FRAS1: variants seen among roughly 807,000 people sequenced by gnomAD.
FRAS1 encodes Fraser extracellular matrix complex subunit 1, also known as extracellular matrix organizing protein FRAS1.
In FRAS1, 290 loss-of-function variants were observed where a neutral mutation model predicts 435.2. The observed-to-expected ratio is 0.67, with a 90% confidence interval of 0.61 to 0.73. FRAS1 has a LOEUF of 0.73. FRAS1 is among the 30% of genes least tolerant of loss of function. The pLI is 0.00. For missense variants in FRAS1, 4,860 were observed against 5,001.5 expected (o/e 0.97, Z 0.85); for synonymous variants, 1,800 against 1,851.0 (o/e 0.97, Z 0.71).
intron 2 of FRAS1, among the ~76,000 whole-genome samples, chr4:78,117,955 G>T (rs1446958518): frequency 5.3e-5 from 8 of 152,166 alleles, no homozygotes; most frequent in Admixed American, 4.6e-4. Context: ...CCCCATCTTT[G>T]TGGTTTTATC....
Position 78,432,418 on chromosome 4 carries a change from C to T in FRAS1, c.5031C>T (p.Ser1677=). The part of the protein sequence containing the change: ...KNALQYIHDG[S]STREDSMEIS... ...CTCTACAGTATATACATGATGGTTC[C>T]TCTACCCGGGAAGACAGCATGGAGA... is the stretch of plus-strand genomic sequence containing the variant. Residue 1677 remains serine, a synonymous_variant, in exon 38 of 74, where the codon TCC becomes TCT. Coordinates refer to ENST00000512123, the MANE Select transcript of FRAS1 (RefSeq NM_025074.7). 1.2e-6 allele frequency: 2 copies of T among 1,611,894 alleles called. No individual in the cohort carries two copies. The highest frequency in any genetic ancestry group is 1.7e-6 in the Non-Finnish European group (2 of 1,178,946).
intron 2 of FRAS1, among the ~76,000 whole-genome samples, chr4:78,210,605 G>T (rs1431820589): frequency 1.3e-5 from 2 of 152,140 alleles, no homozygotes; most frequent in Non-Finnish European, 2.9e-5. Flanking sequence ...ATATCTCAGG[G>T]ATACTTGCAT....
chr4:78,088,150 C>T (rs1741300323), intron 2 of FRAS1, among the ~76,000 whole-genome samples: 1 of 152,096 alleles, frequency 6.6e-6, no homozygotes, highest in African/African-American at 2.4e-5. Flanking sequence ...TGATCTTTGA[C>T]AAACCTGAGA....
rs1160111559 is a variant in FRAS1, at chr4:78,150,696, A to G, written c.108+84680A>G. The stretch of plus-strand genomic sequence containing the variant: ...GTTAATAGTATCCAGACTGGGGGAA[A>G]CTAGCTTGTAAAGACAGCAAGTCTT... On this transcript the variant is annotated intron_variant, in intron 2 of 73. Coordinates refer to ENST00000512123, the MANE Select transcript of FRAS1 (RefSeq NM_025074.7). Among the ~76,000 whole-genome samples the G allele has an allele frequency of 7.2e-5, 11 of 152,290 alleles. No individual in the cohort carries two copies. In the South Asian group the frequency reaches 1.5e-3, roughly 20 times the overall value.
intron 61 of FRAS1, among the ~76,000 whole-genome samples, chr4:78,502,757 T>A (rs1215820336): frequency 6.6e-6 from 1 of 152,184 alleles, no homozygotes; most frequent in African/African-American, 2.4e-5. Context: ...CTGTGTTGAA[T>A]AGGAGTGGTG....
chr4:78,536,858 C>A, intron 71 of FRAS1, 137 bp from the exon 72 acceptor site: 1 of 600,960 alleles, frequency 1.7e-6, no homozygotes, highest in Non-Finnish European at 2.9e-6. Flanking sequence ...ATTTTAGGGG[C>A]ACATGGAATC....
intron 60 of FRAS1, among the ~76,000 whole-genome samples, chr4:78,499,499 C>T (rs568479183): frequency 7.9e-5 from 12 of 152,186 alleles, no homozygotes; most frequent in Non-Finnish European, 1.5e-4. Context: ...TAATAAGGAA[C>T]ATGTGAGACA....
chr4:78,503,847 C>T (rs1720751284), intron 61 of FRAS1, among the ~76,000 whole-genome samples: 2 of 152,212 alleles, frequency 1.3e-5, no homozygotes, highest in South Asian at 4.1e-4. Context: ...CTCTTGTGAG[C>T]ATTTAATGCT....
chr4:78,364,053 G>C lies in FRAS1; in HGVS notation c.2721G>C (p.Gln907His). 1 of 1,579,042 alleles carries C rather than the reference G, an allele frequency of 6.3e-7. No individual in the cohort carries two copies. The highest frequency in any genetic ancestry group is 8.6e-7 in the Non-Finnish European group (1 of 1,161,584). The change falls in exon 22 of 74, where the codon CAG (glutamine) becomes CAC (histidine). Residue 907 changes from glutamine (Q) to histidine (H), a missense_variant and splice_region_variant. Coordinates refer to ENST00000512123, the MANE Select transcript of FRAS1 (RefSeq NM_025074.7). Reference protein sequence around the residue: ...GHYLDDNHVCQPCNTHCGSCD... With the variant: ...GHYLDDNHVCHPCNTHCGSCD... Reference sequence around the variant, plus strand: ...ATCTTGATGACAATCATGTTTGCCAGCGTAGGTTTTTCCAATGAACCTTCT... The same window carrying C: ...ATCTTGATGACAATCATGTTTGCCACCGTAGGTTTTTCCAATGAACCTTCT...
chr4:78,112,483 C>G (rs535398641), intron 2 of FRAS1, among the ~76,000 whole-genome samples: 1 of 152,066 alleles, frequency 6.6e-6, no homozygotes, highest in East Asian at 1.9e-4. Context: ...TTTGAGGTCC[C>G]TGGCTTGTGA....
intron 40 of FRAS1, among the ~76,000 whole-genome samples, chr4:78,440,025 T>C (rs953579202): frequency 7.0e-6 from 1 of 142,872 alleles, no homozygotes. Context: ...TTCTTTTTTT[T>C]TTTTTTTTTT....
intron 41 of FRAS1, chr4:78,444,124 G>A (rs1180122348): frequency 8.9e-6 from 4 of 451,088 alleles, no homozygotes; most frequent in Admixed American, 4.8e-5. Context: ...CAAAGTGTTG[G>A]GATTACAGGC....
At chr4:78,356,407 C>T (rs189457140) in intron 20 of FRAS1, among the ~76,000 whole-genome samples, 1 of 152,154 alleles carries the variant, frequency 6.6e-6, no homozygotes, top group East Asian at 1.9e-4. Context: ...TGGCCAAATT[C>T]CACTTTGTTT....
chr4:78,355,462 G>A (rs1005963153), intron 20 of FRAS1, among the ~76,000 whole-genome samples: 3 of 152,108 alleles, frequency 2.0e-5, no homozygotes, highest in African/African-American at 4.8e-5. Context: ...GAGTAGTAGC[G>A]GGAGGAATCT....
chr4:78,537,746 A>G (rs902161400), intron 72 of FRAS1, among the ~76,000 whole-genome samples: 4 of 152,060 alleles, frequency 2.6e-5, no homozygotes, highest in Admixed American at 6.6e-5. Context: ...AGTTTGAGAC[A>G]AGCCTGAGAA....
At chr4:78,138,399 A>G (rs1400782955) in intron 2 of FRAS1, among the ~76,000 whole-genome samples, 1 of 152,216 alleles carries the variant, frequency 6.6e-6, no homozygotes, top group African/African-American at 2.4e-5. Context: ...ATGTGGTCAG[A>G]AGATCAGGGA....
intron 2 of FRAS1, among the ~76,000 whole-genome samples, chr4:78,200,668 C>T (rs1176985324): frequency 6.7e-6 from 1 of 149,796 alleles, no homozygotes; most frequent in Non-Finnish European, 1.5e-5. Flanking sequence ...TTTTTTTTTT[C>T]CAGACTAGTA....
Position 78,371,541 on chromosome 4 carries a change from T to A in FRAS1, c.2870-1177T>A, listed in dbSNP as rs575032532. 4.0e-4 allele frequency among the ~76,000 whole-genome samples: 61 copies of A among 152,358 alleles called. 1 individual carries two copies. The highest frequency in any genetic ancestry group is 1.4e-3 in the African/African-American group (59 of 41,586). ...ATTTCATTTTATTCTTCACATTTTA[T>A]TCTTCTTAACATTATGAAATGGGTA... On this transcript the variant is annotated intron_variant, in intron 23 of 73. Transcript: ENST00000512123.
intron 2 of FRAS1, among the ~76,000 whole-genome samples, chr4:78,204,570 A>G (rs1481926662): frequency 6.6e-6 from 1 of 152,224 alleles, no homozygotes; most frequent in Non-Finnish European, 1.5e-5. Flanking sequence ...TTCATTTTCA[A>G]GAACCAATGT....
Sources: allele counts gnomAD v4.1 joint callset (sites outside exome capture counted in the v4.1 genomes callset), GRCh38; gene constraint gnomAD v4.1.1; transcripts MANE v1.5; gene names NCBI Gene and HGNC (gene_info 2026-07-23, HGNC 2026-07-21).